Variants in UHRF1 observed in about 807,000 individuals in gnomAD.
The protein encoded by UHRF1 is ubiquitin like with PHD and ring finger domains 1.
Under a neutral mutation model 96.5 loss-of-function variants are expected in UHRF1, and 9 were observed. The observed-to-expected ratio is 0.09, with a 90% CI of 0.06 to 0.16. The LOEUF (loss-of-function observed/expected upper bound fraction) is 0.16. UHRF1 is among the 10% of genes least tolerant of loss of function. The pLI is 1.00. For synonymous variants in UHRF1, 455 were observed against 469.9 expected (o/e 0.97, Z 0.41); for missense variants, 626 against 1,131.1 (o/e 0.55, Z 6.40).
At chr19:4,919,720 C>G (rs2032640822) in intron 2 of UHRF1, among the ~76,000 whole-genome samples, 1 of 152,094 alleles carries the variant, frequency 6.6e-6, no homozygotes, top group Non-Finnish European at 1.5e-5. Flanking sequence ...GAGGTGGTGT[C>G]ATTTAATAGG....
At position 4,943,515 on chromosome 19, in the gene UHRF1, A is replaced by G. The variant is rs557051924; in HGVS notation, c.1074-617A>G. 8.7e-4 allele frequency among the ~76,000 whole-genome samples: 119 copies of G among 137,480 alleles called. 1 individual carries two copies. The highest frequency in any genetic ancestry group is 2.5e-3 in the African/African-American group (98 of 38,476). The allele number at this position is 137,480 out of a possible 152,430, so 90.2% of individuals were successfully genotyped here. A position where few individuals can be genotyped will look rare whatever the true frequency, so the allele number is the denominator to read the frequency against. ...GCCCTGCCCCCCCTCCCCACATCGT[A>G]GAGATGGGGAAACTGAGTCCACGGC... On this transcript the variant is annotated intron_variant, in intron 7 of 16. Transcript: ENST00000650932.
intron 2 of UHRF1, among the ~76,000 whole-genome samples, chr19:4,926,922 GC>G (rs750915755): frequency 7.9e-5 from 12 of 152,154 alleles, no homozygotes; most frequent in Non-Finnish European, 1.8e-4. Flanking sequence ...AATTAGCCGG[GC>G]TTGGTGGCGG....
At chr19:4,958,862 T>A (rs756519947) in intron 16 of UHRF1, among the ~76,000 whole-genome samples, 2 of 150,660 alleles carry the variant, frequency 1.3e-5, no homozygotes, top group Non-Finnish European at 2.9e-5. Context: ...CTCAGGAGAC[T>A]GAGGTGGTAG....
At chr19:4,921,588 G>T (rs545552924) in intron 2 of UHRF1, among the ~76,000 whole-genome samples, 13 of 152,184 alleles carry the variant, frequency 8.5e-5, no homozygotes, top group Admixed American at 8.5e-4. Context: ...AACCCTGTCT[G>T]TACAAAAAAT....
intron 5 of UHRF1, among the ~76,000 whole-genome samples, chr19:4,938,154 G>A (rs1423382672): frequency 6.6e-6 from 1 of 151,884 alleles, no homozygotes; most frequent in African/African-American, 2.4e-5. Context: ...ATTCCGTCTC[G>A]GTGGGGTGGG....
intron 5 of UHRF1, among the ~76,000 whole-genome samples, chr19:4,933,960 T>G (rs2033139061): frequency 1.2e-5 from 1 of 85,522 alleles, no homozygotes; most frequent in South Asian, 5.8e-4. Context: ...TGCCTCTTTG[T>G]GTGTGTGTGT....
intron 2 of UHRF1, among the ~76,000 whole-genome samples, chr19:4,916,373 C>A (rs144253399): frequency 7.2e-5 from 11 of 152,246 alleles, no homozygotes; most frequent in African/African-American, 2.4e-4. Flanking sequence ...AGCGCGCCCC[C>A]TCTTTTAGCT....
At chr19:4,905,516 T>C (rs140805179), upstream of UHRF1, among the ~76,000 whole-genome samples, 684 of 151,714 alleles carry the variant, frequency 4.5e-3, 3 homozygotes, top group Admixed American at 7.4e-3. Context: ...ATTATTTATT[T>C]ATTTATTTAT....
intron 11 of UHRF1, among the ~76,000 whole-genome samples, chr19:4,949,263 G>T (rs1301964707): frequency 6.6e-6 from 1 of 152,162 alleles, no homozygotes; most frequent in Non-Finnish European, 1.5e-5. Context: ...CATAGGTCAG[G>T]GGTAAAATAG....
Position 4,936,362 on chromosome 19 carries a change from G to A in UHRF1, c.785+3406G>A, listed in dbSNP as rs531761521. On this transcript the variant is annotated intron_variant, in intron 5 of 16. Coordinates refer to ENST00000650932, the MANE Select transcript of UHRF1 (RefSeq NM_001048201.3). ...TGTCTTAGGAGGCACCCAGCCTGGT[G>A]TGGGAGACAGATCTGCAGATGACAG... is the stretch of plus-strand genomic sequence containing the variant. Among the ~76,000 whole-genome samples the A allele has an allele frequency of 6.4e-4, 98 of 152,342 alleles. 1 individual carries two copies. Among genetic ancestry groups the A allele is most frequent in the Admixed American group, 4.8e-3 (74 of 15,294 alleles).
intron 2 of UHRF1, among the ~76,000 whole-genome samples, chr19:4,924,310 T>C (rs1421369036): frequency 6.6e-6 from 1 of 152,052 alleles, no homozygotes; most frequent in African/African-American, 2.4e-5. Flanking sequence ...CCACCACGCC[T>C]GGCTAATTTT....
rs1432632404 is a variant in UHRF1 at position 4,945,963 on chromosome 19, G to A, written c.1408G>A (p.Val470Met). ...CCTGGCGGGGGGCTATGAGGATGAT[G>A]TGGTGAGTGTGTGTGTGGGAGGGGT... ...LVLAGGYEDDVDHGNFFTYTG... is the reference protein window; with the variant it reads ...LVLAGGYEDDMDHGNFFTYTG... The change falls in exon 10 of 17, where the codon GTG (valine) becomes ATG (methionine). Residue 470 changes from valine to methionine, a missense_variant and splice_region_variant. Physicochemically the swap from Val to Met is conservative, Grantham distance 21. Coordinates refer to ENST00000650932, the MANE Select transcript of UHRF1 (RefSeq NM_001048201.3). 1.3e-6 allele frequency: 2 copies of A among 1,537,122 alleles called. No individual in the cohort carries two copies. The highest frequency in any genetic ancestry group is 2.3e-5 in the East Asian group (1 of 43,104).
chr19:4,941,502 T>C, intron 5 of UHRF1, 26 bp from the exon 6 acceptor site: 1 of 1,592,606 alleles, frequency 6.3e-7, no homozygotes, highest in Non-Finnish European at 8.6e-7. Context: ...CAGGCCAGAA[T>C]GTTCCAGCGT....
intron 2 of UHRF1, among the ~76,000 whole-genome samples, chr19:4,927,348 T>C (rs1393818634): frequency 8.8e-6 from 1 of 114,148 alleles, no homozygotes; most frequent in African/African-American, 3.5e-5. Context: ...ACCCCTACAC[T>C]CCACCCTGGG....
intron 2 of UHRF1, among the ~76,000 whole-genome samples, chr19:4,914,068 C>A (rs1002644477): frequency 6.6e-6 from 1 of 152,074 alleles, no homozygotes; most frequent in Non-Finnish European, 1.5e-5. Flanking sequence ...ACACCCCCCT[C>A]CCCCACCTTG....
At chr19:4,941,655 T>C in intron 6 of UHRF1, 27 bp downstream of exon 6, 1 of 1,603,792 alleles carries the variant, frequency 6.2e-7, no homozygotes, top group Non-Finnish European at 8.5e-7. Context: ...CCTTTCCCCA[T>C]CTTCCGCGGT....
intron 16 of UHRF1, among the ~76,000 whole-genome samples, 155 bp from the exon 17 acceptor site, chr19:4,960,502 G>A (rs1396946881): frequency 1.3e-5 from 2 of 152,278 alleles, no homozygotes; most frequent in African/African-American, 2.4e-5. Flanking sequence ...CCCTAGGGGG[G>A]CCAGGCTGGT....
At chr19:4,939,240 T>A (rs1475697182) in intron 5 of UHRF1, among the ~76,000 whole-genome samples, 247 of 118,822 alleles carry the variant, frequency 2.1e-3, no homozygotes, top group African/African-American at 5.5e-3. Context: ...TTTTTTTTTT[T>A]AATTTTCGGT....
At position 4,950,876 on chromosome 19, in the gene UHRF1, C is replaced by T. The variant is rs774710668; in HGVS notation, c.1698C>T (p.Pro566=). The T allele has an allele frequency of 1.5e-5, 25 of 1,613,704 alleles. No homozygotes were observed. Among genetic ancestry groups the T allele is most frequent in the African/African-American group, 2.7e-5 (2 of 74,874 alleles). ...CTCTGCAGGTTGTGAAATACTGGCC[C>T]GAGAAGGGGAAGTCCGGGTTTCTCG... The part of the protein sequence containing the change: ...DGIYKVVKYW[P]EKGKSGFLVW... Residue 566 remains proline (P), a synonymous_variant, in exon 13 of 17, where the codon CCC becomes CCT. Coordinates refer to ENST00000650932, the MANE Select transcript of UHRF1 (RefSeq NM_001048201.3).
Sources: gnomAD v4.1 joint callset for allele counts (sites outside exome capture counted in the v4.1 genomes callset) on GRCh38, gnomAD v4.1.1 for gene constraint, MANE v1.5 for transcripts, NCBI Gene and HGNC (gene_info 2026-07-23, HGNC 2026-07-21) for gene names.